The following ERCC4 variants were observed in gnomAD, a reference collection of about 807,000 sequenced individuals.
ERCC4 encodes DNA repair endonuclease XPF.
In ERCC4, 65 loss-of-function variants were observed where a neutral mutation model predicts 76.9. That is an observed-to-expected ratio of 0.84 (90% CI 0.69 to 1.04). The LOEUF is 1.04. Among genes scored for constraint, ERCC4 ranks in the 50% least tolerant of loss-of-function variants. The probability of loss-of-function intolerance (pLI) is 0.00; values close to 1 mark genes in which losing one functional copy is unlikely to be tolerated. For synonymous variants in ERCC4, 463 were observed against 410.1 expected (o/e 1.13, Z -1.56); for missense variants, 1,214 against 1,128.2 (o/e 1.08, Z -1.09).
chr16:13,923,506 G>A lies in ERCC4; in HGVS notation c.388+1295G>A, dbSNP rs190441377. On this transcript the variant is annotated intron_variant, in intron 2 of 10. Transcript: ENST00000311895. ...TTGATAAATAAATGTGTCAATGAAT[G>A]CTTCAATGGTAAACCGACTGAAGAA... 2.1e-4 allele frequency among the ~76,000 whole-genome samples: 32 copies of A among 152,290 alleles called. 1 individual carries two copies. In the East Asian group the frequency reaches 3.7e-3, roughly 17 times the overall value.
At chr16:13,934,449 AAAATG>A in intron 7 of ERCC4, 147 bp downstream of exon 7, 1 of 676,438 alleles carries the variant, frequency 1.5e-6, no homozygotes, top group Non-Finnish European at 2.6e-6. Context: ...TTTTATCTAT[AAAATG>A]TAGACAAATA....
chr16:13,930,795 C>A lies in ERCC4; in HGVS notation c.878C>A (p.Thr293Asn), dbSNP rs1313344709. Residue 293 changes from threonine to asparagine, a missense_variant, in exon 5 of 11, where the codon ACT becomes AAT. Physicochemically the swap from Thr to Asn is moderately conservative, Grantham distance 65 (BLOSUM62 0). Coordinates refer to ENST00000311895, the MANE Select transcript of ERCC4 (RefSeq NM_005236.3). ...SLVQDLKILR[T>N]LLQYLSQYDC... ...GTTCAGGATTTGAAGATATTACGAA[C>A]TTTGCTGCAGTATCTCTCTCAGTAT... is the stretch of plus-strand genomic sequence containing the variant. 6.2e-7 allele frequency: 1 copy of A among 1,611,906 alleles called. No homozygotes were observed. Among genetic ancestry groups the A allele is most frequent in the South Asian group, 1.1e-5 (1 of 91,026 alleles).
At chr16:13,936,701 A>G (rs1308600707) in intron 8 of ERCC4, among the ~76,000 whole-genome samples, 1 of 152,236 alleles carries the variant, frequency 6.6e-6, no homozygotes, top group Admixed American at 6.5e-5. Flanking sequence ...CATCCGTGGG[A>G]GAGCTGAGTC....
chr16:13,944,564 T>A (rs1344404339), intron 9 of ERCC4, among the ~76,000 whole-genome samples, 159 bp from the exon 10 acceptor site: 1 of 152,260 alleles, frequency 6.6e-6, no homozygotes, highest in Non-Finnish European at 1.5e-5. Context: ...CCATCATTTG[T>A]CTTGGCATAT....
chr16:13,938,364 G>A (rs190819858), intron 9 of ERCC4, among the ~76,000 whole-genome samples: 2 of 152,120 alleles, frequency 1.3e-5, no homozygotes, highest in African/African-American at 4.8e-5. Context: ...GGACATACAC[G>A]TGTATGTTTT....
intron 8 of ERCC4, among the ~76,000 whole-genome samples, chr16:13,936,698 G>A (rs2032302370): frequency 6.6e-6 from 1 of 152,212 alleles, no homozygotes; most frequent in Admixed American, 6.5e-5. Context: ...ACACATCCGT[G>A]GGAGAGCTGA....
intron 8 of ERCC4, among the ~76,000 whole-genome samples, chr16:13,936,410 GAGA>G (rs1447270676): frequency 3.9e-5 from 6 of 152,216 alleles, no homozygotes; most frequent in African/African-American, 9.7e-5. Flanking sequence ...TTTCAGAGTA[GAGA>G]TGAATGGAGG....
In ERCC4 at chr16:13,944,825, T is replaced by G. The variant is rs376422457; in HGVS notation, c.2007T>G (p.Thr669=). ...CATCTGCAGATGTTTCCACTGACACTCGGAAAGCCGGTGAGTCCTGCACTT... is the reference window on the plus strand; with the variant it reads ...CATCTGCAGATGTTTCCACTGACACGCGGAAAGCCGGTGAGTCCTGCACTT... ...GTASADVSTD[T]RKAGGQEQNG... is the part of the protein sequence containing the mutation. Residue 669 remains threonine, a synonymous_variant, in exon 10 of 11, where the codon ACT becomes ACG. Transcript: ENST00000311895. The G allele has an allele frequency of 6.2e-7, 1 of 1,609,674 alleles. No homozygotes were observed.
Position 13,935,689 on chromosome 16 carries a change from C to T in ERCC4, c.1757C>T (p.Thr586Ile). The T allele has an allele frequency of 6.2e-7, 1 of 1,614,158 alleles. No homozygotes were observed. Among genetic ancestry groups the T allele is most frequent in the South Asian group, 1.1e-5 (1 of 91,080 alleles). Reference sequence around the variant, plus strand: ...GTGGTTCTTTATGACGCAGAGCTAACCTTTGTTCGGCAGCTTGAAATTTAC... The same window carrying T: ...GTGGTTCTTTATGACGCAGAGCTAATCTTTGTTCGGCAGCTTGAAATTTAC... Reference protein sequence around the residue: ...RYVVLYDAELTFVRQLEIYRA... With the variant: ...RYVVLYDAELIFVRQLEIYRA... The change falls in exon 8 of 11, where the codon ACC becomes ATC. Residue 586 changes from threonine (T) to isoleucine (I), a missense_variant. Thr to Ile is a moderately conservative substitution (Grantham distance 89). Transcript: ENST00000311895.
In ERCC4 at chr16:13,949,823, T is replaced by TA; in HGVS notation, c.*1477dup. 1 of 232,458 alleles carries TA rather than the reference T, an allele frequency of 4.3e-6. No homozygotes were observed. The highest frequency in any genetic ancestry group is 6.1e-5 in the East Asian group (1 of 16,392). The allele number at this position is 232,458 out of a possible 1,614,324, so 14.4% of individuals were successfully genotyped here. The stretch of plus-strand genomic sequence containing the variant: ...GTAAATTTTCTACCTCAGGAGCTGA[T>TA]ATAGACATCAGTTCTGCTAGCCATA... On this transcript the variant is annotated 3_prime_UTR_variant, in exon 11 of 11. Transcript: ENST00000311895.
In ERCC4 at chr16:13,930,840, A is replaced by T. The variant is rs141961015; in HGVS notation, c.923A>T (p.Asn308Ile). ...CAGTATGATTGTGTCACATTTCTTA[A>T]TCTTCTGGAATCTCTGAGAGCAACG... is the stretch of plus-strand genomic sequence containing the variant. ...LSQYDCVTFL[N>I]LLESLRATEK... Residue 308 changes from asparagine to isoleucine, a missense_variant, in exon 5 of 11, where the codon AAT becomes ATT. Physicochemically the swap from Asn to Ile is moderately radical, Grantham distance 149. Coordinates refer to ENST00000311895, the MANE Select transcript of ERCC4 (RefSeq NM_005236.3). The T allele has an allele frequency of 3.1e-6, 5 of 1,613,580 alleles. No homozygotes were observed. The African/African-American group carries it at 6.7e-5, about 22-fold the overall frequency.
At chr16:13,935,896 T>C (rs1020081351) in intron 8 of ERCC4, among the ~76,000 whole-genome samples, 153 bp downstream of exon 8, 1 of 152,086 alleles carries the variant, frequency 6.6e-6, no homozygotes, top group Non-Finnish European at 1.5e-5. Flanking sequence ...ATCTGGGAAG[T>C]TGGATAGGAA....
In ERCC4 at chr16:13,937,926, A is replaced by G; in HGVS notation, c.1904+68A>G. On this transcript the variant is annotated intron_variant, in intron 9 of 10. Coordinates refer to ENST00000311895, the MANE Select transcript of ERCC4 (RefSeq NM_005236.3). ...AAACCTCTGGATGGGGGAATATCAG[A>G]TAGTCCTGCTCAGGAAGGATAGGGC... 5 of 971,908 alleles carry G rather than the reference A, an allele frequency of 5.1e-6. No homozygotes were observed. The South Asian group carries it at 5.2e-5, about 10-fold the overall frequency. The allele number at this position is 971,908 out of a possible 1,614,324, so 60.2% of individuals were successfully genotyped here.
intron 2 of ERCC4, 34 bp downstream of exon 2, chr16:13,922,245 A>G: frequency 7.1e-7 from 1 of 1,417,088 alleles, no homozygotes; most frequent in Non-Finnish European, 9.8e-7. Flanking sequence ...TAGTATGTAA[A>G]TTTGTACTTT....
chr16:13,943,574 A>G (rs1567251648), intron 9 of ERCC4, among the ~76,000 whole-genome samples: 1 of 152,204 alleles, frequency 6.6e-6, no homozygotes, highest in African/African-American at 2.4e-5. Flanking sequence ...TATCGGAACT[A>G]TTAATTCAAG....
At chr16:13,923,398 G>T (rs1227823847) in intron 2 of ERCC4, among the ~76,000 whole-genome samples, 19 of 150,058 alleles carry the variant, frequency 1.3e-4, no homozygotes, top group African/African-American at 4.4e-4. Flanking sequence ...AACTTCTGGA[G>T]GCAGAGAGAC....
chr16:13,920,523 C>T, intron 1 of ERCC4, 151 bp downstream of exon 1: 1 of 756,520 alleles, frequency 1.3e-6, no homozygotes, highest in South Asian at 1.5e-5. Flanking sequence ...TGGCAGGGGT[C>T]CCCAGGGGGA....
chr16:13,920,765 T>G, intron 1 of ERCC4, among the ~76,000 whole-genome samples: 1 of 147,778 alleles, frequency 6.8e-6, no homozygotes, highest in Non-Finnish European at 1.5e-5. Context: ...TTGACCAGAG[T>G]TCAAGAACAC....
intron 6 of ERCC4, 158 bp downstream of exon 6, chr16:13,932,443 G>GAAAGTATATATGT: frequency 1.5e-6 from 1 of 682,990 alleles, no homozygotes; most frequent in South Asian, 1.8e-5. Context: ...AATGTATGTT[G>GAAAGTATATATGT]AAAGTATATA....
Sources: gnomAD v4.1 joint callset for allele counts (sites outside exome capture counted in the v4.1 genomes callset) on GRCh38, gnomAD v4.1.1 for gene constraint, MANE v1.5 for transcripts, NCBI Gene and HGNC (gene_info 2026-07-23, HGNC 2026-07-21) for gene names.